The following TRAT1 variants were observed in gnomAD, a reference collection of about 807,000 sequenced individuals.
TRAT1 encodes the protein T cell receptor associated transmembrane adaptor 1.
A neutral mutation model predicts 20.0 loss-of-function variants in TRAT1; 20 were observed. The ratio of observed to expected loss-of-function variants is 1.00; its 90% confidence interval spans 0.70 to 1.45. TRAT1 has a LOEUF of 1.45. Among genes scored for constraint, TRAT1 ranks in the 40% most tolerant of loss-of-function variants. The pLI, the probability that TRAT1 is intolerant of heterozygous loss-of-function variation, is 0.00. For missense variants in TRAT1, 237 were observed against 224.1 expected, an observed-to-expected ratio of 1.06 and a Z score of -0.37; for synonymous variants, 77 against 74.2, an observed-to-expected ratio of 1.04 and a Z score of -0.20.
chr3:108,842,579 C>T (rs1945904539), intron 3 of TRAT1, among the ~76,000 whole-genome samples: 1 of 152,146 alleles, frequency 6.6e-6, no homozygotes, highest in African/African-American at 2.4e-5. Context: ...CAAGCCCCAG[C>T]CCTGTATAAC....
chr3:108,830,096 G>A (rs1945779162), intron 1 of TRAT1, among the ~76,000 whole-genome samples: 1 of 152,078 alleles, frequency 6.6e-6, no homozygotes, highest in Non-Finnish European at 1.5e-5. Flanking sequence ...GTAGGCCTAG[G>A]GGAAAGAGAA....
At chr3:108,844,843 C>CAAAAAAAAAAAAAAAAAAAAAAAAA (rs71103495) in intron 3 of TRAT1, among the ~76,000 whole-genome samples, 1 of 47,842 alleles carries the variant, frequency 2.1e-5, no homozygotes, top group African/African-American at 8.5e-5. Flanking sequence ...GACTCTGTCT[C>CAAAAAAAAAAAAAAAAAAAAAAAAA]AAAAAAAAAA....
chr3:108,851,329 T>A (rs1945996053), intron 5 of TRAT1, among the ~76,000 whole-genome samples: 1 of 152,220 alleles, frequency 6.6e-6, no homozygotes, highest in Non-Finnish European at 1.5e-5. Flanking sequence ...GAAGAGTTAA[T>A]CAGAAAGCCT....
At chr3:108,837,671 T>G (rs1345838104) in intron 2 of TRAT1, among the ~76,000 whole-genome samples, 1 of 152,232 alleles carries the variant, frequency 6.6e-6, no homozygotes, top group East Asian at 1.9e-4. Context: ...TAGTGGTCTT[T>G]ATTTTTACAT....
At chr3:108,844,241 C>A (rs1268162184) in intron 3 of TRAT1, among the ~76,000 whole-genome samples, 1 of 151,968 alleles carries the variant, frequency 6.6e-6, no homozygotes, top group Non-Finnish European at 1.5e-5. Context: ...TAGAAATCAA[C>A]TAGTTTAATC....
chr3:108,835,469 C>G (rs1945830335), intron 2 of TRAT1, among the ~76,000 whole-genome samples: 1 of 152,196 alleles, frequency 6.6e-6, no homozygotes, highest in Non-Finnish European at 1.5e-5. Flanking sequence ...ACAGAGCAAA[C>G]TTTTCAGAAG....
At chr3:108,844,616 G>T (rs919727862) in intron 3 of TRAT1, among the ~76,000 whole-genome samples, 1 of 151,534 alleles carries the variant, frequency 6.6e-6, no homozygotes, top group East Asian at 1.9e-4. Flanking sequence ...AGGCCGAGGC[G>T]GGCAGATAAT....
chr3:108,838,695 G>A (rs1286501102), intron 2 of TRAT1, among the ~76,000 whole-genome samples: 2 of 152,106 alleles, frequency 1.3e-5, no homozygotes, highest in Non-Finnish European at 2.9e-5. Context: ...TACCAAGAAA[G>A]TTGCTCTGGT....
chr3:108,837,342 T>C (rs1379929331), intron 2 of TRAT1, among the ~76,000 whole-genome samples: 4 of 152,234 alleles, frequency 2.6e-5, no homozygotes, highest in Admixed American at 2.6e-4. Flanking sequence ...CCGCAAAATC[T>C]TCCCTCATTT....
At chr3:108,843,463 G>A (rs1945913482) in intron 3 of TRAT1, among the ~76,000 whole-genome samples, 1 of 152,136 alleles carries the variant, frequency 6.6e-6, no homozygotes, top group Non-Finnish European at 1.5e-5. Flanking sequence ...CCAGGAGGCG[G>A]AGGTTGCAGT....
chr3:108,831,635 G>A (rs1337525202), intron 2 of TRAT1, among the ~76,000 whole-genome samples: 1 of 150,114 alleles, frequency 6.7e-6, no homozygotes, highest in African/African-American at 2.5e-5. Context: ...AAACTTCTGT[G>A]CTCAAACAAT....
rs1411525967 is a variant in TRAT1 at position 108,845,252 on chromosome 3, AG to A, written c.153-1815del. ...TTTATTTGAGATGATTAATCATTTG[AG>A]ATGGGCCTGTAGACACAGGACACTG... On this transcript the variant is annotated intron_variant, in intron 3 of 5. Coordinates refer to ENST00000295756, the MANE Select transcript of TRAT1 (RefSeq NM_016388.4). 5.9e-5 allele frequency among the ~76,000 whole-genome samples: 9 copies of A among 152,348 alleles called. No homozygotes were observed. In the East Asian group the frequency reaches 1.7e-3, roughly 29 times the overall value.
At position 108,839,262 on chromosome 3, in the gene TRAT1, TC is replaced by T. The variant is rs558550425; in HGVS notation, c.152+297del. 6.0e-4 allele frequency: 227 copies of T among 378,448 alleles called. 2 individuals are homozygous for T. The highest frequency in any genetic ancestry group is 4.1e-3 in the African/African-American group (198 of 48,136). The allele number at this position is 378,448 out of a possible 1,614,324, so 23.4% of individuals were successfully genotyped here. On this transcript the variant is annotated intron_variant, in intron 3 of 5. Transcript: ENST00000295756. ...CAGAGGTAGATAGCCTAGATTATGA[TC>T]CAGCTTAGATACAGAATTGTGCTAC...
At chr3:108,853,594 G>GA in intron 5 of TRAT1, 26 bp from the exon 6 acceptor site, 1 of 1,603,464 alleles carries the variant, frequency 6.2e-7, no homozygotes, top group Non-Finnish European at 8.5e-7. Flanking sequence ...GACTAACAAT[G>GA]AAAAATTAAC....
chr3:108,827,245 GT>G (rs1208633737), intron 1 of TRAT1, among the ~76,000 whole-genome samples: 1 of 152,094 alleles, frequency 6.6e-6, no homozygotes, highest in African/African-American at 2.4e-5. Flanking sequence ...CACTTGTTGG[GT>G]AAAAAATTTT....
At chr3:108,826,257 C>A (rs1252758632) in intron 1 of TRAT1, among the ~76,000 whole-genome samples, 1 of 152,146 alleles carries the variant, frequency 6.6e-6, no homozygotes, top group Admixed American at 6.5e-5. Flanking sequence ...TACTCTCATT[C>A]CCTTTTCCAC....
chr3:108,827,921 G>A (rs1182782054), intron 1 of TRAT1, among the ~76,000 whole-genome samples: 3 of 152,104 alleles, frequency 2.0e-5, no homozygotes, highest in African/African-American at 7.2e-5. Flanking sequence ...ATAGGCTTGT[G>A]ATATTGATTA....
At chr3:108,839,578 G>A (rs1457478758) in intron 3 of TRAT1, among the ~76,000 whole-genome samples, 2 of 151,770 alleles carry the variant, frequency 1.3e-5, no homozygotes, top group Admixed American at 6.6e-5. Context: ...CCCGGGAGGC[G>A]GAGGTTGCAG....
At chr3:108,845,997 T>C (rs1945938845) in intron 3 of TRAT1, among the ~76,000 whole-genome samples, 2 of 152,220 alleles carry the variant, frequency 1.3e-5, no homozygotes, top group African/African-American at 4.8e-5. Flanking sequence ...AGCTGTGTAT[T>C]CTTGTCAGTT....
Sources: allele counts gnomAD v4.1 joint callset (sites outside exome capture counted in the v4.1 genomes callset), GRCh38; gene constraint gnomAD v4.1.1; transcripts MANE v1.5; gene names NCBI Gene and HGNC (gene_info 2026-07-23, HGNC 2026-07-21).